Variants in SFMBT2 observed in about 807,000 individuals in gnomAD.
SFMBT2 encodes the protein scm-like with four MBT domains protein 2.
Under a neutral mutation model 110.1 loss-of-function variants are expected in SFMBT2, and 38 were observed. The ratio of observed to expected loss-of-function variants is 0.35; its 90% CI spans 0.27 to 0.45. The LOEUF is 0.45. Among genes scored for constraint, SFMBT2 ranks in the 20% least tolerant of loss-of-function variants. The pLI is 1.00. For synonymous variants in SFMBT2, 425 were observed against 425.4 expected (o/e 1.00, Z 0.01); for missense variants, 1,011 against 1,094.9 (o/e 0.92, Z 1.08).
chr10:7,278,406 A>G (rs1297349046), intron 6 of SFMBT2, among the ~76,000 whole-genome samples: 1 of 152,180 alleles, frequency 6.6e-6, no homozygotes, highest in Non-Finnish European at 1.5e-5. Context: ...CACTCAGGCA[A>G]GCTCGTGGGC....
At chr10:7,331,860 A>G (rs1284084149) in intron 4 of SFMBT2, among the ~76,000 whole-genome samples, 1 of 151,910 alleles carries the variant, frequency 6.6e-6, no homozygotes, top group African/African-American at 2.4e-5. Flanking sequence ...CAATACAAAA[A>G]TTAGCCGGGC....
At chr10:7,253,479 T>G (rs956053335) in intron 7 of SFMBT2, among the ~76,000 whole-genome samples, 1 of 152,146 alleles carries the variant, frequency 6.6e-6, no homozygotes, top group African/African-American at 2.4e-5. Flanking sequence ...CTGGTTGGTG[T>G]GGAAAAAACC....
chr10:7,294,692 G>C (rs770822326), intron 4 of SFMBT2, among the ~76,000 whole-genome samples: 11 of 152,268 alleles, frequency 7.2e-5, no homozygotes, highest in African/African-American at 2.4e-4. Context: ...CCTAGGTGCA[G>C]AACAGCAAAG....
At position 7,350,251 on chromosome 10, in the gene SFMBT2, G is replaced by T. The variant is rs906706657; in HGVS notation, c.436+17398C>A. On this transcript the variant is annotated intron_variant, in intron 4 of 20. Coordinates refer to ENST00000397167, the MANE Select transcript of SFMBT2 (RefSeq NM_001387889.1). ...GGGGTCTTGTCCATCCTGCTGATGGGGTCTTGTCTGTTCTGGCCAGTCCCA... is the reference window on the plus strand; with the variant it reads ...GGGGTCTTGTCCATCCTGCTGATGGTGTCTTGTCTGTTCTGGCCAGTCCCA... 9.9e-5 allele frequency among the ~76,000 whole-genome samples: 15 copies of T among 152,102 alleles called. No homozygotes were observed. In the South Asian group the frequency reaches 3.1e-3, roughly 32 times the overall value.
chr10:7,238,306 T>A (rs750601414), intron 9 of SFMBT2, among the ~76,000 whole-genome samples: 2 of 152,114 alleles, frequency 1.3e-5, no homozygotes, highest in Non-Finnish European at 2.9e-5. Context: ...GTATGGGGCA[T>A]GAGAAACAGA....
intron 7 of SFMBT2, among the ~76,000 whole-genome samples, chr10:7,263,179 G>A (rs1588395812): frequency 6.6e-6 from 1 of 152,036 alleles, no homozygotes; most frequent in Non-Finnish European, 1.5e-5. Flanking sequence ...ATCACAGAGG[G>A]ACATGCACCA....
At chr10:7,273,011 T>C (rs1588406494) in intron 7 of SFMBT2, among the ~76,000 whole-genome samples, 1 of 152,166 alleles carries the variant, frequency 6.6e-6, no homozygotes, top group African/African-American at 2.4e-5. Context: ...GCCAGGCTGG[T>C]CTAGAACTCC....
chr10:7,209,243 G>C (rs565105628), intron 11 of SFMBT2, among the ~76,000 whole-genome samples: 1 of 152,276 alleles, frequency 6.6e-6, no homozygotes, highest in South Asian at 2.1e-4. Context: ...ATTGCAAAAA[G>C]TTCATAGGCA....
At chr10:7,386,605 A>C (rs1845613493) in intron 1 of SFMBT2, among the ~76,000 whole-genome samples, 1 of 152,092 alleles carries the variant, frequency 6.6e-6, no homozygotes, top group East Asian at 1.9e-4. Context: ...AAAAAAAAAA[A>C]TTCTGTGTAT....
chr10:7,393,335 A>G (rs555112736), intron 1 of SFMBT2, among the ~76,000 whole-genome samples: 12 of 152,054 alleles, frequency 7.9e-5, no homozygotes, highest in Admixed American at 3.3e-4. Context: ...CCGGCCTCAT[A>G]TATTATATTC....
chr10:7,376,155 C>T (rs533106005), intron 2 of SFMBT2, among the ~76,000 whole-genome samples: 2 of 152,212 alleles, frequency 1.3e-5, no homozygotes, highest in Admixed American at 6.5e-5. Context: ...GCATATTGTT[C>T]TGCTTGCTTT....
chr10:7,231,029 C>A (rs934230739), intron 9 of SFMBT2, among the ~76,000 whole-genome samples: 1 of 152,206 alleles, frequency 6.6e-6, no homozygotes, highest in Non-Finnish European at 1.5e-5. Flanking sequence ...ACCACCATCA[C>A]TAATTATTTT....
chr10:7,373,407 T>C (rs749495877), intron 2 of SFMBT2, among the ~76,000 whole-genome samples: 2 of 152,176 alleles, frequency 1.3e-5, no homozygotes. Context: ...TATTCTGTTA[T>C]AGGAACACGA....
intron 6 of SFMBT2, among the ~76,000 whole-genome samples, 191 bp downstream of exon 6, chr10:7,283,713 T>C (rs1056317153): frequency 1.3e-5 from 2 of 152,270 alleles, no homozygotes; most frequent in East Asian, 3.8e-4. Context: ...GCTTTCTCCT[T>C]TGAGAACACT....
At chr10:7,217,721 C>T (rs59068284) in intron 11 of SFMBT2, among the ~76,000 whole-genome samples, 191 of 152,202 alleles carry the variant, frequency 1.3e-3, no homozygotes, top group African/African-American at 4.0e-3. Context: ...CCAGTGTGTG[C>T]GGCCATAATG....
rs138925526 is a variant in SFMBT2, at chr10:7,172,135, G to A, written c.2175C>T (p.Asp725=). 4.2e-5 allele frequency: 66 copies of A among 1,568,850 alleles called. No homozygotes were observed. Among genetic ancestry groups the A allele is most frequent in the South Asian group, 3.5e-4 (30 of 86,414 alleles). ...SGEESEEEDA[D]AMDDDTASEE... Reference sequence around the variant, plus strand: ...CACTGGCGGTGTCATCGTCCATGGCGTCAGCGTCCTCCTCTTCACTTTCCT... The same window carrying A: ...CACTGGCGGTGTCATCGTCCATGGCATCAGCGTCCTCCTCTTCACTTTCCT... Residue 725 remains aspartate, a synonymous_variant, in exon 19 of 21, where the codon GAC becomes GAT. Coordinates refer to ENST00000397167, the MANE Select transcript of SFMBT2 (RefSeq NM_001387889.1). This position sits in a 1 kb window ranked among gnomAD's most constrained non-coding sequence, Gnocchi z 4.6.
intron 7 of SFMBT2, among the ~76,000 whole-genome samples, chr10:7,256,118 G>A (rs1368626348): frequency 6.6e-6 from 1 of 152,174 alleles, no homozygotes; most frequent in Non-Finnish European, 1.5e-5. Flanking sequence ...CCTCTTGTGG[G>A]AGGAAATTAA....
Position 7,172,483 on chromosome 10 carries a change from G to A in SFMBT2, c.2151+12C>T. On this transcript the variant is annotated intron_variant, in intron 18 of 20. Transcript: ENST00000397167. This position sits in a 1 kb window ranked among gnomAD's most constrained non-coding sequence, Gnocchi z 4.6. The stretch of plus-strand genomic sequence containing the variant: ...GAGCTACAGGCTGGCAGGTGCCCCG[G>A]GCAGAACATACCTCCCCCGAGCCCG... The A allele has an allele frequency of 6.2e-7, 1 of 1,613,318 alleles. No individual in the cohort carries two copies. Among genetic ancestry groups the A allele is most frequent in the Non-Finnish European group, 8.5e-7 (1 of 1,180,038 alleles).
At position 7,242,721 on chromosome 10, in the gene SFMBT2, T is replaced by G. The variant is rs993438433; in HGVS notation, c.1120+837A>C. Among the ~76,000 whole-genome samples the G allele has an allele frequency of 5.3e-5, 8 of 152,340 alleles. No individual in the cohort carries two copies. The South Asian group carries it at 1.4e-3, about 28-fold the overall frequency. Reference sequence around the variant, plus strand: ...GCACCATTAAATGATGTAAACAGACTGGCGAGGCCACCAGGCAAGATGGGA... The same window carrying G: ...GCACCATTAAATGATGTAAACAGACGGGCGAGGCCACCAGGCAAGATGGGA... On this transcript the variant is annotated intron_variant, in intron 9 of 20. Transcript: ENST00000397167.
Sources: gnomAD v4.1 joint callset for allele counts (sites outside exome capture counted in the v4.1 genomes callset) on GRCh38, gnomAD v4.1.1 for gene constraint, Gnocchi (gnomAD v3.1) non-coding constraint, MANE v1.5 for transcripts, NCBI Gene and HGNC (gene_info 2026-07-23, HGNC 2026-07-21) for gene names.